The following FAF1 variants were observed in gnomAD, a reference collection of about 807,000 sequenced individuals.
The protein encoded by FAF1 is Fas associated factor 1.
A neutral mutation model predicts 92.5 loss-of-function variants in FAF1; 25 were observed. That is an observed-to-expected ratio of 0.27 (90% confidence interval 0.20 to 0.38). FAF1 has a LOEUF of 0.38. Among genes scored for constraint, FAF1 ranks in the 10% least tolerant of loss-of-function variants. FAF1 has a pLI of 1.00. For missense variants in FAF1, 636 were observed against 793.3 expected (o/e 0.80, Z 2.38); for synonymous variants, 234 against 273.2 (o/e 0.86, Z 1.42).
intron 8 of FAF1, among the ~76,000 whole-genome samples, chr1:50,621,361 G>T (rs572301496): frequency 1.3e-5 from 2 of 151,712 alleles, no homozygotes; most frequent in South Asian, 4.2e-4. Flanking sequence ...CCAGTCTTAC[G>T]GGGAAGTTAG....
At chr1:50,847,113 C>G (rs1205518406) in intron 2 of FAF1, among the ~76,000 whole-genome samples, 1 of 152,134 alleles carries the variant, frequency 6.6e-6, no homozygotes, top group Non-Finnish European at 1.5e-5. Context: ...CCCCTTACAA[C>G]AGTAACACCA....
In FAF1 at chr1:50,838,821, T is replaced by C. The variant is rs540227093; in HGVS notation, c.114+19108A>G. On this transcript the variant is annotated intron_variant, in intron 2 of 18. Transcript: ENST00000396153. The stretch of plus-strand genomic sequence containing the variant: ...AGATTTAGTAATAACTCTTTCAAAA[T>C]TGTAACAATAAAAGTATCCAAATCA... Among the ~76,000 whole-genome samples, 37 of 152,252 alleles carry C rather than the reference T, an allele frequency of 2.4e-4. No individual in the cohort carries two copies. In the East Asian group the frequency reaches 6.7e-3, roughly 28 times the overall value.
intron 8 of FAF1, among the ~76,000 whole-genome samples, chr1:50,638,019 A>G (rs1021117210): frequency 2.0e-5 from 3 of 152,090 alleles, no homozygotes; most frequent in African/African-American, 7.2e-5. Flanking sequence ...TAGATCTTAT[A>G]AATATTTTAT....
intron 15 of FAF1, among the ~76,000 whole-genome samples, chr1:50,519,036 A>C (rs1392134315): frequency 2.6e-5 from 4 of 152,140 alleles, no homozygotes; most frequent in African/African-American, 9.7e-5. Flanking sequence ...CAAATCTATT[A>C]AAATAGTTTT....
At chr1:50,835,402 C>A (rs1198930052) in intron 2 of FAF1, among the ~76,000 whole-genome samples, 1 of 151,904 alleles carries the variant, frequency 6.6e-6, no homozygotes, top group Non-Finnish European at 1.5e-5. Flanking sequence ...AAGTTTAAGA[C>A]CTAAATTCAA....
intron 7 of FAF1, among the ~76,000 whole-genome samples, chr1:50,670,691 G>A (rs865894431): frequency 6.6e-6 from 1 of 152,128 alleles, no homozygotes; most frequent in East Asian, 1.9e-4. Flanking sequence ...TCAGCACTCT[G>A]GGGGCTGAGG....
At chr1:50,810,786 C>T (rs909608571) in intron 2 of FAF1, among the ~76,000 whole-genome samples, 1 of 152,152 alleles carries the variant, frequency 6.6e-6, no homozygotes, top group African/African-American at 2.4e-5. Context: ...CGGTGATTCA[C>T]ACCTGTAATC....
chr1:50,464,621 CA>C (rs1348276753), intron 18 of FAF1, among the ~76,000 whole-genome samples: 1 of 152,086 alleles, frequency 6.6e-6, no homozygotes, highest in Non-Finnish European at 1.5e-5. Context: ...TTTAAAAGGC[CA>C]GAGACAGGTC....
chr1:50,698,401 A>T (rs1657322607), intron 7 of FAF1, among the ~76,000 whole-genome samples: 1 of 152,176 alleles, frequency 6.6e-6, no homozygotes, highest in South Asian at 2.1e-4. Flanking sequence ...TTCTTCATGC[A>T]TGAGGAGCAC....
intron 6 of FAF1, among the ~76,000 whole-genome samples, chr1:50,723,578 G>C (rs1283391835): frequency 6.6e-6 from 1 of 151,994 alleles, no homozygotes; most frequent in Non-Finnish European, 1.5e-5. Context: ...GGATGACAGA[G>C]AGAAATTACC....
intron 18 of FAF1, chr1:50,462,280 A>AT (rs531397200): frequency 1.4e-3 from 217 of 152,040 alleles, no homozygotes; most frequent in African/African-American, 5.0e-3. Flanking sequence ...TTTTATATCG[A>AT]TTTTTAAATG....
chr1:50,713,333 G>A (rs1004562824), intron 6 of FAF1, among the ~76,000 whole-genome samples: 1 of 151,762 alleles, frequency 6.6e-6, no homozygotes, highest in African/African-American at 2.4e-5. Flanking sequence ...GAGTGCAGTG[G>A]CACGATCTAG....
chr1:50,729,395 T>C (rs1658825881), intron 6 of FAF1, among the ~76,000 whole-genome samples: 1 of 150,994 alleles, frequency 6.6e-6, no homozygotes, highest in South Asian at 2.1e-4. Flanking sequence ...AAGTGAAATG[T>C]ACCCGTATTT....
chr1:50,634,960 C>A (rs1653944271), intron 8 of FAF1, among the ~76,000 whole-genome samples: 1 of 152,104 alleles, frequency 6.6e-6, no homozygotes, highest in African/African-American at 2.4e-5. Flanking sequence ...TATATAATTT[C>A]TATTAAAAAT....
At chr1:50,721,130 T>C (rs112573893) in intron 6 of FAF1, among the ~76,000 whole-genome samples, 3,047 of 152,242 alleles carry the variant, frequency 0.02, 100 homozygotes, top group African/African-American at 0.07. Context: ...ATATCATTCA[T>C]GAAAATAACA....
intron 2 of FAF1, among the ~76,000 whole-genome samples, chr1:50,825,669 A>C (rs944640518): frequency 9.2e-5 from 14 of 152,202 alleles, no homozygotes; most frequent in South Asian, 2.1e-4. Flanking sequence ...CACAAAAAAA[A>C]CCCGACATAA....
intron 1 of FAF1, among the ~76,000 whole-genome samples, chr1:50,864,460 C>G (rs924216425): frequency 1.3e-4 from 19 of 151,970 alleles, no homozygotes; most frequent in African/African-American, 4.6e-4. Context: ...CTACAGTAAC[C>G]AAAACAGCAT....
intron 13 of FAF1, among the ~76,000 whole-genome samples, chr1:50,555,643 A>G (rs1649539680): frequency 6.6e-6 from 1 of 152,210 alleles, no homozygotes; most frequent in African/African-American, 2.4e-5. Flanking sequence ...AGTAAAAAGG[A>G]ACTCTTATAC....
At position 50,456,108 on chromosome 1, in the gene FAF1, G is replaced by T. The variant is rs371296122; in HGVS notation, c.1870-14585C>A. On this transcript the variant is annotated intron_variant, in intron 18 of 18. Coordinates refer to ENST00000396153, the MANE Select transcript of FAF1 (RefSeq NM_007051.3). ...AAAAATTTTTTTTTTTTAGAGATGA[G>T]ATTTCACTATGTTGCCTAGGCTAGA... Among the ~76,000 whole-genome samples, 26 of 151,950 alleles carry T rather than the reference G, an allele frequency of 1.7e-4. No individual in the cohort carries two copies. The South Asian group carries it at 4.4e-3, about 26-fold the overall frequency.
Sources: allele counts gnomAD v4.1 joint callset (sites outside exome capture counted in the v4.1 genomes callset), GRCh38; gene constraint gnomAD v4.1.1; transcripts MANE v1.5; gene names NCBI Gene and HGNC (gene_info 2026-07-23, HGNC 2026-07-21).